Variants in KRABD3 observed in about 807,000 individuals in gnomAD.
KRABD3 encodes the protein KRAB domain-containing protein 3.
chr7:149,715,001 C>A, the KRABD3 span: 2 of 1,218,794 alleles, frequency 1.6e-6, no homozygotes, highest in Middle Eastern at 3.1e-4. Flanking sequence ...CGCGTGCGCC[C>A]GCGCCAGGGC....
chr7:149,733,452 C>G, the KRABD3 span: 4 of 1,587,886 alleles, frequency 2.5e-6, no homozygotes, highest in Non-Finnish European at 3.4e-6. Context: ...ACCATGAGGA[C>G]CCAGGTGAAT....
chr7:149,728,692 G>A, the KRABD3 span: 6 of 1,611,888 alleles, frequency 3.7e-6, no homozygotes, highest in Non-Finnish European at 5.1e-6. Flanking sequence ...GTGGCTGCCG[G>A]GGCCCTGGGT....
At chr7:149,722,585 G>C in the KRABD3 span, 16 of 1,596,430 alleles carry the variant, frequency 1.0e-5, no homozygotes, top group Non-Finnish European at 1.1e-5. Flanking sequence ...GTGGGGTAGC[G>C]ATGGGGAAGT....
At chr7:149,721,474 C>T in the KRABD3 span, 13 of 1,612,974 alleles carry the variant, frequency 8.1e-6, no homozygotes, top group South Asian at 5.5e-5. Flanking sequence ...CCACGCCCAC[C>T]GACAGCTCGT....
chr7:149,733,917 C>T, the KRABD3 span: 8 of 1,593,978 alleles, frequency 5.0e-6, no homozygotes, highest in Non-Finnish European at 6.8e-6. Context: ...GTGCCGACCT[C>T]AGGAGTGGCA....
At chr7:149,721,092 C>T in the KRABD3 span, 2 of 1,439,924 alleles carry the variant, frequency 1.4e-6, no homozygotes, top group Non-Finnish European at 1.9e-6. Context: ...CAGGCACAGG[C>T]CGGGAGGCAG....
chr7:149,733,651 C>T, the KRABD3 span: 2 of 1,588,798 alleles, frequency 1.3e-6, no homozygotes, highest in Non-Finnish European at 1.7e-6. Flanking sequence ...GGGCTGGTGA[C>T]CTGCAAGGAC....
chr7:149,733,186 G>T, the KRABD3 span: 2 of 1,571,418 alleles, frequency 1.3e-6, no homozygotes, highest in Non-Finnish European at 1.7e-6. Flanking sequence ...AACTCTGACC[G>T]GTCCTTGCTC....
chr7:149,725,172 G>T, the KRABD3 span: 1 of 811,274 alleles, frequency 1.2e-6, no homozygotes, highest in Non-Finnish European at 1.9e-6. Flanking sequence ...CCCACAGAAG[G>T]GTTTCCTGCC....
the KRABD3 span, chr7:149,730,391 G>T: frequency 6.4e-7 from 1 of 1,563,960 alleles, no homozygotes; most frequent in Admixed American, 1.9e-5. Context: ...CAGGGCGCCA[G>T]TCACCACTCT....
chr7:149,715,601 T>C, the KRABD3 span, among the ~76,000 whole-genome samples: 3 of 152,092 alleles, frequency 2.0e-5, no homozygotes, highest in African/African-American at 7.2e-5. Flanking sequence ...AGGTATCAGG[T>C]ATCTGGTGCT....
the KRABD3 span, chr7:149,724,933 A>G: frequency 8.4e-7 from 1 of 1,188,910 alleles, no homozygotes; most frequent in Non-Finnish European, 1.1e-6. Context: ...CCAGGGAAGC[A>G]GCTCTCAGCA....
the KRABD3 span, chr7:149,728,742 C>G: frequency 1.3e-6 from 2 of 1,533,998 alleles, no homozygotes; most frequent in South Asian, 1.2e-5. Context: ...GGCGCTGCAC[C>G]TGTGGGCTCA....
At chr7:149,728,375 G>A in the KRABD3 span, 35 of 941,288 alleles carry the variant, frequency 3.7e-5, no homozygotes, top group African/African-American at 3.3e-5. Context: ...GCAGGGCCGC[G>A]CCAGAGCCAG....
the KRABD3 span, chr7:149,721,728 G>A: frequency 4.1e-6 from 3 of 736,672 alleles, no homozygotes; most frequent in Non-Finnish European, 7.2e-6. Context: ...CACCAAAGAG[G>A]AGGCATGATG....
At chr7:149,728,642 G>A in the KRABD3 span, 15 of 1,613,512 alleles carry the variant, frequency 9.3e-6, no homozygotes, top group Middle Eastern at 1.6e-4. Context: ...ACCGAGGAGA[G>A]CAGAGCCCAG....
chr7:149,731,968 C>G, the KRABD3 span, among the ~76,000 whole-genome samples: 8 of 152,192 alleles, frequency 5.3e-5, no homozygotes, highest in African/African-American at 1.9e-4. Flanking sequence ...AGCAGACACA[C>G]CTTTTAGAGG....
At chr7:149,724,628 C>T in the KRABD3 span, 1 of 1,489,286 alleles carries the variant, frequency 6.7e-7, no homozygotes, top group Admixed American at 2.2e-5. Context: ...GAACCTTGGG[C>T]TTCCCAATGG....
the KRABD3 span, chr7:149,719,753 C>A: frequency 6.7e-7 from 1 of 1,482,304 alleles, no homozygotes; most frequent in Non-Finnish European, 9.1e-7. This position sits in a 1 kb window ranked among gnomAD's most constrained non-coding sequence, Gnocchi z 5.6. Context: ...GACCCGGCAG[C>A]CTTAGTCTTT....
Sources: gnomAD v4.1 joint callset for allele counts (sites outside exome capture counted in the v4.1 genomes callset) on GRCh38, gnomAD v4.1.1 for gene constraint, Gnocchi (gnomAD v3.1) non-coding constraint, MANE v1.5 for transcripts, NCBI Gene and HGNC (gene_info 2026-07-23, HGNC 2026-07-21) for gene names.